PRKN: variants seen among roughly 807,000 people sequenced by gnomAD.
PRKN encodes the protein parkin RBR E3 ubiquitin protein ligase, also known as E3 ubiquitin-protein ligase parkin.
Under a neutral mutation model 59.5 loss-of-function variants are expected in PRKN, and 56 were observed. The observed-to-expected ratio is 0.94, with a 90% CI of 0.76 to 1.18. PRKN has a LOEUF of 1.18. Among genes scored for constraint, PRKN ranks in the 50% most tolerant of loss-of-function variants. PRKN has a pLI of 0.00. For missense variants in PRKN, 657 were observed against 596.4 expected, an observed-to-expected ratio of 1.10 and a Z score of -1.06; for synonymous variants, 250 against 222.1, an observed-to-expected ratio of 1.13 and a Z score of -1.12.
intron 4 of PRKN, among the ~76,000 whole-genome samples, chr6:162,186,250 G>T (rs1784023655): frequency 6.6e-6 from 1 of 152,014 alleles, no homozygotes. Context: ...ACCAAAAGAG[G>T]TGCTGATTGC....
At chr6:161,971,214 G>A (rs185702409) in intron 6 of PRKN, among the ~76,000 whole-genome samples, 1 of 152,258 alleles carries the variant, frequency 6.6e-6, no homozygotes, top group African/African-American at 2.4e-5. Flanking sequence ...GAAGTAAGTG[G>A]CTCATTCTCT....
Position 161,388,059 on chromosome 6 carries a change from C to T in PRKN, c.1084-1182G>A, listed in dbSNP as rs73021292. 0.041 allele frequency among the ~76,000 whole-genome samples: 6,268 copies of T among 152,238 alleles called. 179 individuals carry two copies. The highest frequency in any genetic ancestry group is 0.054 in the Non-Finnish European group (3,647 of 68,002). On this transcript the variant is annotated intron_variant, in intron 9 of 11. Coordinates refer to ENST00000366898, the MANE Select transcript of PRKN (RefSeq NM_004562.3). This position sits in a 1 kb window ranked among gnomAD's most constrained non-coding sequence, Gnocchi z 4.3. ...GATCCATGGACCTCTCCTGAAAGCA[C>T]GTCCCATTCTCATCGCCACCAGCCA...
chr6:162,575,752 A>C (rs1780531290), intron 1 of PRKN, among the ~76,000 whole-genome samples: 1 of 152,166 alleles, frequency 6.6e-6, no homozygotes, highest in Non-Finnish European at 1.5e-5. Flanking sequence ...TATAGGTCTC[A>C]CTGTCTCCAT....
At chr6:161,949,266 C>G (rs1301887164) in intron 6 of PRKN, among the ~76,000 whole-genome samples, 5 of 152,212 alleles carry the variant, frequency 3.3e-5, no homozygotes, top group Non-Finnish European at 7.3e-5. Flanking sequence ...AATCCCAGCA[C>G]TTTGGGAGGC....
At chr6:161,969,191 C>T (rs188949700) in intron 6 of PRKN, among the ~76,000 whole-genome samples, 101 of 151,622 alleles carry the variant, frequency 6.7e-4, no homozygotes, top group African/African-American at 2.4e-3. Flanking sequence ...CCTGCAATCA[C>T]TGTTATGACC....
At chr6:162,579,650 C>A (rs1222760550) in intron 1 of PRKN, among the ~76,000 whole-genome samples, 1 of 150,548 alleles carries the variant, frequency 6.6e-6, no homozygotes, top group Non-Finnish European at 1.5e-5. Context: ...CAGATTTACA[C>A]AAATTCACAC....
chr6:161,895,300 C>T (rs1369060447), intron 6 of PRKN, among the ~76,000 whole-genome samples: 1 of 152,136 alleles, frequency 6.6e-6, no homozygotes, highest in Non-Finnish European at 1.5e-5. Context: ...AAGAGGAGAC[C>T]TGAACGATTG....
At chr6:162,458,651 T>G in intron 1 of PRKN, among the ~76,000 whole-genome samples, 1 of 151,574 alleles carries the variant, frequency 6.6e-6, no homozygotes, top group Admixed American at 6.6e-5. Flanking sequence ...TGCCTTTTTT[T>G]TTTTTTTTCC....
At position 161,391,341 on chromosome 6, in the gene PRKN, C is replaced by T. The variant is rs1317169134; in HGVS notation, c.1084-4464G>A. 6.6e-6 allele frequency among the ~76,000 whole-genome samples: 1 copy of T among 152,032 alleles called. No homozygotes were observed. Among genetic ancestry groups the T allele is most frequent in the East Asian group, 1.9e-4 (1 of 5,206 alleles). On this transcript the variant is annotated intron_variant, in intron 9 of 11. Coordinates refer to ENST00000366898, the MANE Select transcript of PRKN (RefSeq NM_004562.3). This position sits in a 1 kb window ranked among gnomAD's most constrained non-coding sequence, Gnocchi z 4.9. The stretch of plus-strand genomic sequence containing the variant: ...CATTAACCGAATGGAAGTTAGTATA[C>T]CAGGAAACATGGAGTCCTGTTTATA...
intron 4 of PRKN, among the ~76,000 whole-genome samples, chr6:162,096,528 A>G (rs1779739194): frequency 6.6e-6 from 1 of 152,184 alleles, no homozygotes; most frequent in Admixed American, 6.5e-5. Flanking sequence ...TGTAGCTCCC[A>G]TAATTCCCAC....
chr6:161,367,619 G>A (rs1294707518), intron 10 of PRKN, among the ~76,000 whole-genome samples: 1 of 152,076 alleles, frequency 6.6e-6, no homozygotes, highest in Non-Finnish European at 1.5e-5. Context: ...TTCCTCAAAC[G>A]CTACTTGTGC....
chr6:161,900,702 TATATC>T (rs1777873817), intron 6 of PRKN, among the ~76,000 whole-genome samples: 1 of 76,920 alleles, frequency 1.3e-5, no homozygotes, highest in Admixed American at 1.5e-4. Flanking sequence ...ATTATAGTAA[TATATC>T]ATATAATATA....
At chr6:162,148,835 A>G (rs2849613) in intron 4 of PRKN, among the ~76,000 whole-genome samples, 151,145 of 152,240 alleles carry the variant, frequency 0.99, 75,072 homozygotes, top group Middle Eastern at 1. Flanking sequence ...TAGAAATTGA[A>G]AGGGAAAGAA....
intron 3 of PRKN, among the ~76,000 whole-genome samples, chr6:162,222,123 T>C (rs1351747795): frequency 6.6e-6 from 1 of 152,164 alleles, no homozygotes; most frequent in Non-Finnish European, 1.5e-5. Flanking sequence ...CAGAATTCTA[T>C]GATAATCCCC....
chr6:161,580,318 G>A (rs945415115), intron 7 of PRKN, among the ~76,000 whole-genome samples: 1 of 152,150 alleles, frequency 6.6e-6, no homozygotes, highest in Admixed American at 6.5e-5. Flanking sequence ...AGCATCACAA[G>A]TGTTCAACCA....
intron 1 of PRKN, among the ~76,000 whole-genome samples, chr6:162,458,052 G>C (rs1466725044): frequency 6.6e-6 from 1 of 151,466 alleles, no homozygotes; most frequent in African/African-American, 2.4e-5. Flanking sequence ...TCAGGAGTTT[G>C]AGACCAGCCT....
intron 9 of PRKN, among the ~76,000 whole-genome samples, chr6:161,517,556 C>T (rs1170459575): frequency 7.2e-5 from 11 of 151,786 alleles, no homozygotes; most frequent in South Asian, 4.2e-4. Flanking sequence ...CTGGCTAACA[C>T]GGTGAAACCC....
In PRKN at chr6:161,576,645, C is replaced by T. The variant is rs1311670018; in HGVS notation, c.872-7229G>A. On this transcript the variant is annotated intron_variant, in intron 7 of 11. Coordinates refer to ENST00000366898, the MANE Select transcript of PRKN (RefSeq NM_004562.3). The surrounding 1 kb of genome is among the most constrained non-coding windows in gnomAD (Gnocchi z 4.6). ...CATTGGAGCTTGCATTCTAAAGGGG[C>T]GAGAGACAATAAAAATAAACTAATA... Among the ~76,000 whole-genome samples, 2 of 151,988 alleles carry T rather than the reference C, an allele frequency of 1.3e-5. No homozygotes were observed. The highest frequency in any genetic ancestry group is 6.6e-5 in the Admixed American group (1 of 15,264).
At chr6:161,514,381 G>T (rs925078162) in intron 9 of PRKN, among the ~76,000 whole-genome samples, 4 of 152,092 alleles carry the variant, frequency 2.6e-5, no homozygotes, top group African/African-American at 9.7e-5. Flanking sequence ...ACCATATAAG[G>T]CTGGGACTGG....
Sources: gnomAD v4.1 joint callset for allele counts (sites outside exome capture counted in the v4.1 genomes callset) on GRCh38, gnomAD v4.1.1 for gene constraint, Gnocchi (gnomAD v3.1) non-coding constraint, MANE v1.5 for transcripts, NCBI Gene and HGNC (gene_info 2026-07-23, HGNC 2026-07-21) for gene names.